Variants in ASIC2 observed in about 807,000 individuals in gnomAD.
ASIC2 encodes acid sensing ion channel subunit 2, also known as acid-sensing ion channel 2.
In ASIC2, 25 loss-of-function variants were observed where a neutral mutation model predicts 57.3. The observed-to-expected ratio is 0.44, with a 90% CI of 0.32 to 0.61. ASIC2 has a LOEUF of 0.61. Ranked by LOEUF, ASIC2 falls within the 20% of genes least tolerant of loss-of-function variation. The probability of loss-of-function intolerance (pLI) is 0.06; values close to 1 mark genes in which losing one functional copy is unlikely to be tolerated. For missense variants in ASIC2, 641 were observed against 738.1 expected, an observed-to-expected ratio of 0.87 and a Z score of 1.52; for synonymous variants, 319 against 307.5, an observed-to-expected ratio of 1.04 and a Z score of -0.39.
chr17:33,259,920 G>A (rs1264711496), intron 1 of ASIC2, among the ~76,000 whole-genome samples: 1 of 152,108 alleles, frequency 6.6e-6, no homozygotes, highest in African/African-American at 2.4e-5. Context: ...GCTGGTCCTG[G>A]GGCCCCGCTT....
At chr17:33,680,325 G>A in intron 1 of ASIC2, among the ~76,000 whole-genome samples, 1 of 152,170 alleles carries the variant, frequency 6.6e-6, no homozygotes, top group East Asian at 1.9e-4. Flanking sequence ...GGTACCTGCA[G>A]GACCTACAGT....
intron 1 of ASIC2, among the ~76,000 whole-genome samples, chr17:33,613,647 G>C (rs9889987): frequency 1.3e-5 from 2 of 151,846 alleles, no homozygotes; most frequent in African/African-American, 4.8e-5. Context: ...GATTACAGGC[G>C]TGAGCCACCG....
intron 2 of ASIC2, among the ~76,000 whole-genome samples, chr17:33,096,488 C>G (rs2092180180): frequency 6.6e-6 from 1 of 152,212 alleles, no homozygotes; most frequent in Non-Finnish European, 1.5e-5. Context: ...ATACCTGCCT[C>G]CAAGCGTGTT....
intron 1 of ASIC2, among the ~76,000 whole-genome samples, chr17:33,269,613 C>CCCTTTCTTCCTTCCTT (rs1904366078): frequency 1.4e-5 from 1 of 73,340 alleles, no homozygotes; most frequent in Non-Finnish European, 2.9e-5. Context: ...AGGGCTCCTT[C>CCCTTTCTTCCTTCCTT]CCTTCCTTCC....
chr17:33,295,168 C>A (rs1045600814), upstream of ASIC2, among the ~76,000 whole-genome samples: 1 of 149,858 alleles, frequency 6.7e-6, no homozygotes, highest in African/African-American at 2.4e-5. Flanking sequence ...AGCTATTTCC[C>A]CCTTGAAATG....
At chr17:34,077,981 G>A (rs974063446) in intron 1 of ASIC2, among the ~76,000 whole-genome samples, 1 of 152,126 alleles carries the variant, frequency 6.6e-6, no homozygotes, top group Non-Finnish European at 1.5e-5. Context: ...TAGAGGGCCA[G>A]CTCTACTCTC....
intron 1 of ASIC2, among the ~76,000 whole-genome samples, chr17:33,271,626 T>C (rs548779048): frequency 7.2e-5 from 11 of 152,310 alleles, no homozygotes; most frequent in Admixed American, 2.6e-4. Context: ...GAAGTCTCAC[T>C]GGACCTACCT....
intron 1 of ASIC2, among the ~76,000 whole-genome samples, chr17:33,768,988 T>TA (rs1911015563): frequency 6.6e-6 from 1 of 152,014 alleles, no homozygotes. Context: ...CCCTAAAACT[T>TA]AAAGTATAAT....
At chr17:33,111,550 C>T (rs1218717349) in intron 2 of ASIC2, among the ~76,000 whole-genome samples, 2 of 152,090 alleles carry the variant, frequency 1.3e-5, no homozygotes, top group East Asian at 1.9e-4. Flanking sequence ...CTAATTGGGT[C>T]GGGATATTCA....
intron 1 of ASIC2, among the ~76,000 whole-genome samples, chr17:33,201,971 G>A (rs931657754): frequency 2.2e-5 from 3 of 139,158 alleles, no homozygotes; most frequent in Non-Finnish European, 4.5e-5. Flanking sequence ...GGTGGGGATT[G>A]CAGTGGACCA....
intron 1 of ASIC2, chr17:33,827,815 G>T (rs8070735): frequency 0.81 from 123,359 of 151,958 alleles, 50,435 homozygotes; most frequent in African/African-American, 0.85. Context: ...CTATCAACCC[G>T]TCATCTGGGT....
At chr17:34,063,583 C>G (rs765120647) in intron 1 of ASIC2, among the ~76,000 whole-genome samples, 40 of 152,294 alleles carry the variant, frequency 2.6e-4, no homozygotes, top group Non-Finnish European at 5.1e-4. Flanking sequence ...CAAACTGTCA[C>G]TATTTGCTGA....
chr17:33,461,381 T>C lies in ASIC2; in HGVS notation c.556-349314A>G, dbSNP rs148500477. Among the ~76,000 whole-genome samples, 565 of 152,332 alleles carry C rather than the reference T, an allele frequency of 3.7e-3. 6 individuals carry two copies. Among genetic ancestry groups the C allele is most frequent in the African/African-American group, 0.013 (529 of 41,580 alleles). On this transcript the variant is annotated intron_variant, in intron 1 of 9. Coordinates refer to the ASIC2 transcript ENST00000359872. ...TCAATTCTATCATGCAGGCACATTC[T>C]TGGGCATATTCTCCAAATTCTCCAT...
chr17:33,342,856 A>G (rs1907782042), intron 1 of ASIC2, among the ~76,000 whole-genome samples: 1 of 152,144 alleles, frequency 6.6e-6, no homozygotes, highest in African/African-American at 2.4e-5. Context: ...ATGCTGTTCC[A>G]TCATCCCCTT....
chr17:33,292,191 T>C lies in ASIC2; in HGVS notation c.-76A>G, dbSNP rs953473279. 9 of 1,008,896 alleles carry C rather than the reference T, an allele frequency of 8.9e-6. No homozygotes were observed. The highest frequency in any genetic ancestry group is 3.5e-5 in the African/African-American group (2 of 57,134). 62.5% of individuals were successfully genotyped at this position (1,008,896 alleles called of 1,614,324 possible). On this transcript the variant is annotated 5_prime_UTR_variant, in exon 1 of 10. Coordinates refer to ENST00000225823, the MANE Select transcript of ASIC2 (RefSeq NM_183377.2). ...CCGCCATGGGAGTCCGCAGCAGCAG[T>C]GGAAGCAGCAGCAGCGGCAGCCGCG...
chr17:33,290,290 G>C (rs556750897), intron 1 of ASIC2, among the ~76,000 whole-genome samples: 6 of 152,336 alleles, frequency 3.9e-5, no homozygotes, highest in Admixed American at 2.0e-4. Context: ...AAAAAGCTTT[G>C]TCAGAAATGA....
intron 1 of ASIC2, among the ~76,000 whole-genome samples, chr17:33,686,359 C>T (rs977338709): frequency 2.0e-5 from 3 of 152,122 alleles, no homozygotes; most frequent in African/African-American, 4.8e-5. Flanking sequence ...GGGTACTTTG[C>T]GGGTGAGGGT....
rs982258615 is a variant in ASIC2, at chr17:33,504,988, G to A, written c.556-392921C>T. On this transcript the variant is annotated intron_variant, in intron 1 of 9. Transcript: ENST00000359872. ...ATGGGTGGCTGCTGCTACAAGGCAT[G>A]GCTCAGTAAAGTGAAGAAAGTTGGA... Among the ~76,000 whole-genome samples the A allele has an allele frequency of 1.3e-5, 2 of 152,166 alleles. 1 individual carries two copies. Among genetic ancestry groups the A allele is most frequent in the Non-Finnish European group, 2.9e-5 (2 of 68,042 alleles).
At chr17:33,683,694 A>G (rs1180111226) in intron 1 of ASIC2, among the ~76,000 whole-genome samples, 8 of 152,266 alleles carry the variant, frequency 5.3e-5, no homozygotes, top group African/African-American at 1.9e-4. Flanking sequence ...GGTGCATGCC[A>G]CCAGGGCCAG....
Sources: gnomAD v4.1 joint callset for allele counts (sites outside exome capture counted in the v4.1 genomes callset) on GRCh38, gnomAD v4.1.1 for gene constraint, MANE v1.5 for transcripts, NCBI Gene and HGNC (gene_info 2026-07-23, HGNC 2026-07-21) for gene names.